The following CHN1 variants were observed in gnomAD, a reference collection of about 807,000 sequenced individuals.
CHN1 encodes chimerin 1.
A neutral mutation model predicts 59.5 loss-of-function variants in CHN1; 37 were observed. The ratio of observed to expected loss-of-function variants is 0.62; its 90% CI spans 0.48 to 0.82. CHN1 has a LOEUF of 0.82. CHN1 is among the 40% of genes least tolerant of loss of function. The pLI, the probability that CHN1 is intolerant of heterozygous loss-of-function variation, is 0.00. For missense variants in CHN1, 469 were observed against 571.0 expected (o/e 0.82, Z 1.82); for synonymous variants, 206 against 200.4 (o/e 1.03, Z -0.24).
At chr2:174,890,098 T>C (rs1688004120) in intron 5 of CHN1, among the ~76,000 whole-genome samples, 1 of 151,984 alleles carries the variant, frequency 6.6e-6, no homozygotes, top group Non-Finnish European at 1.5e-5. Flanking sequence ...TAAATGTAAA[T>C]GGATTAAACT....
At chr2:174,957,449 G>GGGGC (rs1690245131) in intron 1 of CHN1, among the ~76,000 whole-genome samples, 2 of 143,032 alleles carry the variant, frequency 1.4e-5, no homozygotes, top group African/African-American at 5.1e-5. Context: ...TGTGTGTTGG[G>GGGGC]GGGGGGGGCA....
chr2:174,955,184 C>A (rs199762665), intron 1 of CHN1, among the ~76,000 whole-genome samples: 68 of 82,716 alleles, frequency 8.2e-4, no homozygotes, highest in South Asian at 1.3e-3. Flanking sequence ...ATATCTATAT[C>A]TATATATATA....
intron 5 of CHN1, among the ~76,000 whole-genome samples, chr2:174,880,284 T>C (rs902285383): frequency 1.3e-5 from 2 of 152,216 alleles, no homozygotes; most frequent in African/African-American, 2.4e-5. Context: ...GGAATTATGA[T>C]TGATCTTTTT....
intron 1 of CHN1, among the ~76,000 whole-genome samples, chr2:174,996,069 C>G (rs1218805264): frequency 6.6e-6 from 1 of 152,130 alleles, no homozygotes; most frequent in African/African-American, 2.4e-5. Flanking sequence ...TCTGTACTAT[C>G]CAGTTTCAGG....
intron 7 of CHN1, among the ~76,000 whole-genome samples, chr2:174,829,910 T>G (rs1685815046): frequency 1.3e-5 from 2 of 152,298 alleles, no homozygotes; most frequent in South Asian, 4.1e-4. Flanking sequence ...ATGCACTCTT[T>G]TAGGTGACCA....
At chr2:174,831,970 T>A (rs556113518) in intron 7 of CHN1, among the ~76,000 whole-genome samples, 1 of 152,286 alleles carries the variant, frequency 6.6e-6, no homozygotes, top group African/African-American at 2.4e-5. Context: ...AAAATCTCTA[T>A]ACCTACATTA....
At chr2:174,923,145 TTTTTTTTC>T (rs2105378504) in intron 3 of CHN1, among the ~76,000 whole-genome samples, 1 of 152,190 alleles carries the variant, frequency 6.6e-6, no homozygotes, top group South Asian at 2.1e-4. Context: ...ATAATTTTTT[TTTTTTTTC>T]TTTTTGAGAC....
intron 9 of CHN1, 71 bp from the exon 10 acceptor site, chr2:174,811,659 G>C: frequency 1.1e-6 from 1 of 871,276 alleles, no homozygotes; most frequent in South Asian, 1.7e-5. Flanking sequence ...CACACTTTAA[G>C]CTGGGAGGTA....
chr2:174,845,782 G>C (rs550036938), intron 7 of CHN1, among the ~76,000 whole-genome samples: 1 of 15,212 alleles, frequency 6.6e-5, no homozygotes, highest in Non-Finnish European at 1.2e-4. Flanking sequence ...GCATATGGGT[G>C]GGGGGGGGGG....
At chr2:174,888,666 C>G (rs1397695470) in intron 5 of CHN1, among the ~76,000 whole-genome samples, 1 of 152,214 alleles carries the variant, frequency 6.6e-6, no homozygotes, top group African/African-American at 2.4e-5. Context: ...AGCCATTTCA[C>G]TTTATCCACA....
In CHN1 at chr2:174,824,523, A is replaced by T; in HGVS notation, c.628-5T>A. 6.6e-7 allele frequency: 1 copy of T among 1,523,044 alleles called. No individual in the cohort carries two copies. The highest frequency in any genetic ancestry group is 8.9e-7 in the Non-Finnish European group (1 of 1,123,614). 94.3% of individuals were successfully genotyped at this position (1,523,044 alleles called of 1,614,324 possible). ...TGGCCCTCTGAATGTATGCACCTGA[A>T]AAAAAAAAAGAGGGGCAAAGTCAGG... On this transcript the variant is annotated splice_polypyrimidine_tract_variant and splice_region_variant and intron_variant, in intron 7 of 12. Transcript: ENST00000409900.
chr2:174,825,626 T>C (rs943854970), intron 7 of CHN1, among the ~76,000 whole-genome samples: 1 of 152,184 alleles, frequency 6.6e-6, no homozygotes, highest in African/African-American at 2.4e-5. Context: ...ATCCAAACTC[T>C]GAACATTAAA....
intron 11 of CHN1, among the ~76,000 whole-genome samples, chr2:174,807,389 G>C (rs1684918152): frequency 6.6e-6 from 1 of 151,704 alleles, no homozygotes. Context: ...CTTTCAGTGG[G>C]ATCGGAGTCC....
intron 8 of CHN1, among the ~76,000 whole-genome samples, chr2:174,820,659 C>T (rs960453974): frequency 5.3e-5 from 8 of 152,220 alleles, no homozygotes; most frequent in Admixed American, 5.2e-4. Context: ...TTAGCATTCT[C>T]AGGATGGTCC....
intron 7 of CHN1, among the ~76,000 whole-genome samples, chr2:174,829,626 C>T (rs181220152): frequency 4.6e-4 from 70 of 152,320 alleles, no homozygotes; most frequent in Non-Finnish European, 5.3e-4. Flanking sequence ...ATGCAAATAG[C>T]CAAGGAGCAT....
chr2:174,852,256 T>A (rs1455611063), intron 6 of CHN1, among the ~76,000 whole-genome samples: 1 of 152,030 alleles, frequency 6.6e-6, no homozygotes, highest in Admixed American at 6.6e-5. Context: ...ACCACAGGAC[T>A]CCAGCTTGGG....
intron 6 of CHN1, among the ~76,000 whole-genome samples, chr2:174,858,487 T>C (rs1164568594): frequency 1.3e-5 from 2 of 152,192 alleles, no homozygotes; most frequent in Non-Finnish European, 2.9e-5. Flanking sequence ...AAATCACAGA[T>C]GTGTTAATTG....
chr2:174,906,439 GC>G (rs1239025059), intron 5 of CHN1, among the ~76,000 whole-genome samples: 1 of 152,134 alleles, frequency 6.6e-6, no homozygotes, highest in African/African-American at 2.4e-5. Flanking sequence ...GTTGCCTAGG[GC>G]TGGGAGAGCT....
chr2:174,821,162 A>C (rs1236852055), intron 8 of CHN1, among the ~76,000 whole-genome samples: 1 of 152,222 alleles, frequency 6.6e-6, no homozygotes, highest in Non-Finnish European at 1.5e-5. Context: ...GGAGGTCAGA[A>C]GTTCAAAATC....
Sources: allele counts gnomAD v4.1 joint callset (sites outside exome capture counted in the v4.1 genomes callset), GRCh38; gene constraint gnomAD v4.1.1; transcripts MANE v1.5; gene names NCBI Gene and HGNC (gene_info 2026-07-23, HGNC 2026-07-21).